PTPN5: variants seen among roughly 807,000 people sequenced by gnomAD.
The protein encoded by PTPN5 is protein tyrosine phosphatase non-receptor type 5.
In PTPN5, 29 loss-of-function variants were observed where a neutral mutation model predicts 73.9. The observed-to-expected ratio is 0.39, with a 90% CI of 0.29 to 0.54. PTPN5 has a LOEUF of 0.54. PTPN5 is among the 20% of genes least tolerant of loss of function. PTPN5 has a pLI of 0.65. For missense variants in PTPN5, 652 were observed against 751.4 expected (o/e 0.87, Z 1.55); for synonymous variants, 267 against 304.7 (o/e 0.88, Z 1.29).
chr11:18,754,250 AG>A (rs1169894108), intron 3 of PTPN5, among the ~76,000 whole-genome samples: 1 of 152,166 alleles, frequency 6.6e-6, no homozygotes, highest in Non-Finnish European at 1.5e-5. Context: ...ACGGAAATTG[AG>A]GGCCCTTCAC....
intron 12 of PTPN5, chr11:18,730,521 T>C (rs1342341477): frequency 1.3e-5 from 2 of 152,288 alleles, no homozygotes; most frequent in African/African-American, 2.4e-5. Flanking sequence ...TGCGAGGTGA[T>C]GAAGTCATGA....
At chr11:18,762,668 C>G (rs942686109) in intron 3 of PTPN5, among the ~76,000 whole-genome samples, 15 of 152,150 alleles carry the variant, frequency 9.9e-5, no homozygotes, top group African/African-American at 3.6e-4. Flanking sequence ...GTCTATTTTT[C>G]CTTAATAGCA....
Position 18,729,145 on chromosome 11 carries a change from A to T in PTPN5, c.1605-118T>A. The T allele has an allele frequency of 1.0e-6, 1 of 993,916 alleles. No individual in the cohort carries two copies. Among genetic ancestry groups the T allele is most frequent in the East Asian group, 2.5e-5 (1 of 40,518 alleles). 61.6% of individuals were successfully genotyped at this position (993,916 alleles called of 1,614,324 possible). On this transcript the variant is annotated intron_variant, in intron 14 of 14. Transcript: ENST00000358540. The surrounding 1 kb of genome is among the most constrained non-coding windows in gnomAD (Gnocchi z 5.2). ...GGCCTTGCCCCTGTGCGTCTTGGAG[A>T]GACCAACCCTTGCCAACCATTACCC...
intron 3 of PTPN5, among the ~76,000 whole-genome samples, chr11:18,759,127 C>A (rs58986858): frequency 5.3e-5 from 8 of 152,096 alleles, no homozygotes; most frequent in African/African-American, 1.9e-4. Context: ...CTGGACCTGA[C>A]GCCCGAGCCC....
intron 1 of PTPN5, among the ~76,000 whole-genome samples, chr11:18,785,301 G>A (rs1489841530): frequency 6.6e-6 from 1 of 152,200 alleles, no homozygotes; most frequent in African/African-American, 2.4e-5. Flanking sequence ...TGTGCCTGGA[G>A]ATGCTCATTA....
At chr11:18,771,190 T>C (rs1850879550) in intron 2 of PTPN5, among the ~76,000 whole-genome samples, 1 of 152,066 alleles carries the variant, frequency 6.6e-6, no homozygotes, top group African/African-American at 2.4e-5. Context: ...TGGTACCCCG[T>C]AAATACCCCT....
intron 1 of PTPN5, among the ~76,000 whole-genome samples, chr11:18,786,595 TTTTG>T (rs1319664163): frequency 2.0e-5 from 3 of 152,150 alleles, no homozygotes; most frequent in Non-Finnish European, 4.4e-5. Context: ...AGTTTCTAGT[TTTTG>T]TTTTTCTTTT....
chr11:18,777,918 C>T (rs995042243), intron 1 of PTPN5, among the ~76,000 whole-genome samples: 2 of 151,660 alleles, frequency 1.3e-5, no homozygotes, highest in African/African-American at 4.9e-5. Flanking sequence ...GCATTTCAGC[C>T]CAGCTTACAG....
At chr11:18,769,743 G>T (rs1850793403) in intron 2 of PTPN5, among the ~76,000 whole-genome samples, 1 of 152,158 alleles carries the variant, frequency 6.6e-6, no homozygotes, top group African/African-American at 2.4e-5. Flanking sequence ...GTGAATGGGG[G>T]GTTGGGAAAA....
intron 2 of PTPN5, among the ~76,000 whole-genome samples, chr11:18,767,463 C>A (rs1850691593): frequency 1.3e-5 from 2 of 152,216 alleles, no homozygotes; most frequent in African/African-American, 4.8e-5. Flanking sequence ...CCACATTTCT[C>A]CCTCCCCATC....
chr11:18,757,359 C>T (rs964028183), intron 3 of PTPN5, among the ~76,000 whole-genome samples: 3 of 152,218 alleles, frequency 2.0e-5, no homozygotes, highest in South Asian at 2.1e-4. Context: ...ACTGTCTTTA[C>T]ACCCAGGAAA....
chr11:18,792,248 T>TG (rs971239404), upstream of PTPN5: 1 of 147,418 alleles, frequency 6.8e-6, no homozygotes, highest in African/African-American at 2.5e-5. Flanking sequence ...GGGGCAGAGT[T>TG]GGGGGAGGGA....
intron 1 of PTPN5, among the ~76,000 whole-genome samples, chr11:18,782,838 T>C (rs1380032914): frequency 6.6e-6 from 1 of 152,152 alleles, no homozygotes; most frequent in Non-Finnish European, 1.5e-5. Context: ...GGCAAATATA[T>C]AGGAGATGGG....
Position 18,731,556 on chromosome 11 carries a change from C to T in PTPN5, c.1329+1036G>A, listed in dbSNP as rs147699267. Among the ~76,000 whole-genome samples the T allele has an allele frequency of 3.3e-5, 5 of 152,352 alleles. No individual in the cohort carries two copies. The East Asian group carries it at 9.6e-4, about 29-fold the overall frequency. On this transcript the variant is annotated intron_variant, in intron 12 of 14. Coordinates refer to ENST00000358540, the MANE Select transcript of PTPN5 (RefSeq NM_006906.2). ...CCCTGCCTCATCTCAGCCTGTCTTT[C>T]TGGGGAATTTCTACTCAGGAAGCCA...
intron 3 of PTPN5, among the ~76,000 whole-genome samples, 172 bp downstream of exon 3, chr11:18,765,635 A>C (rs1850609780): frequency 6.6e-6 from 1 of 152,240 alleles, no homozygotes; most frequent in African/African-American, 2.4e-5. Context: ...GTCAGAAGGC[A>C]TCAGGGATTA....
Position 18,742,629 on chromosome 11 carries a change from G to A in PTPN5, c.484-126C>T, listed in dbSNP as rs1451524812. 7.1e-6 allele frequency: 10 copies of A among 1,409,928 alleles called. No homozygotes were observed. The highest frequency in any genetic ancestry group is 9.5e-6 in the Non-Finnish European group (10 of 1,054,114). 87.3% of individuals were successfully genotyped at this position (1,409,928 alleles called of 1,614,324 possible). Reference sequence around the variant, plus strand: ...GTCTAGAGCAGCTCTGCTCTCCTGGGAGTTGTCCACAAGGCACTGCCCCTG... The same window carrying A: ...GTCTAGAGCAGCTCTGCTCTCCTGGAAGTTGTCCACAAGGCACTGCCCCTG... On this transcript the variant is annotated intron_variant, in intron 6 of 14. Coordinates refer to ENST00000358540, the MANE Select transcript of PTPN5 (RefSeq NM_006906.2). This position sits in a 1 kb window ranked among gnomAD's most constrained non-coding sequence, Gnocchi z 4.1.
chr11:18,779,946 A>G (rs1851345723), intron 1 of PTPN5, among the ~76,000 whole-genome samples: 1 of 152,284 alleles, frequency 6.6e-6, no homozygotes, highest in South Asian at 2.1e-4. Context: ...GTTGTGATGA[A>G]GCCTGGGAAG....
At chr11:18,784,801 TC>T (rs1417685256) in intron 1 of PTPN5, among the ~76,000 whole-genome samples, 1 of 151,910 alleles carries the variant, frequency 6.6e-6, no homozygotes, top group Non-Finnish European at 1.5e-5. Flanking sequence ...TGGCCCATGA[TC>T]TATCTTCCTC....
chr11:18,777,975 GAAGA>G (rs55648455), intron 1 of PTPN5, among the ~76,000 whole-genome samples: 72,170 of 145,182 alleles, frequency 0.5, 18,959 homozygotes, highest in East Asian at 0.69. Context: ...AGGAAGGAAG[GAAGA>G]AAGAAAGAAA....
Sources: allele counts gnomAD v4.1 joint callset (sites outside exome capture counted in the v4.1 genomes callset), GRCh38; gene constraint gnomAD v4.1.1; non-coding constraint Gnocchi (gnomAD v3.1); transcripts MANE v1.5; gene names NCBI Gene and HGNC (gene_info 2026-07-23, HGNC 2026-07-21).